FOXN3: variants seen among roughly 807,000 people sequenced by gnomAD.
FOXN3 encodes the protein forkhead box N3.
Under a neutral mutation model 38.4 loss-of-function variants are expected in FOXN3, and 7 were observed. That is an observed-to-expected ratio of 0.18 (90% CI 0.10 to 0.34). The LOEUF (loss-of-function observed/expected upper bound fraction) is 0.34, where lower values mean the gene tolerates loss of function less well. Ranked by LOEUF, FOXN3 falls within the 10% of genes least tolerant of loss-of-function variation. FOXN3 has a pLI of 1.00. For synonymous variants in FOXN3, 230 were observed against 242.2 expected, an observed-to-expected ratio of 0.95 and a Z score of 0.47; for missense variants, 456 against 613.4, an observed-to-expected ratio of 0.74 and a Z score of 2.71.
intron 4 of FOXN3, among the ~76,000 whole-genome samples, chr14:89,258,550 A>G (rs1885697096): frequency 6.6e-6 from 1 of 152,220 alleles, no homozygotes; most frequent in South Asian, 2.1e-4. Flanking sequence ...TCATTGTGAT[A>G]CCACCTGGAC....
chr14:89,526,519 A>G lies in FOXN3; in HGVS notation c.-15+92509T>C, dbSNP rs10151765. ...AATATAATTTACAATAATATAAATAATTGAAATGCTGAAAGATAAATCTGA... is the reference window on the plus strand; with the variant it reads ...AATATAATTTACAATAATATAAATAGTTGAAATGCTGAAAGATAAATCTGA... On this transcript the variant is annotated intron_variant, in intron 1 of 6. Coordinates refer to the FOXN3 transcript ENST00000345097. 3.6e-3 allele frequency among the ~76,000 whole-genome samples: 554 copies of G among 152,306 alleles called. 5 individuals carry two copies. Among genetic ancestry groups the G allele is most frequent in the African/African-American group, 0.013 (534 of 41,576 alleles).
intron 1 of FOXN3, among the ~76,000 whole-genome samples, chr14:89,611,357 GAAA>G (rs1194570780): frequency 6.6e-6 from 1 of 152,188 alleles, no homozygotes; most frequent in South Asian, 2.1e-4. Flanking sequence ...TGCTGTCTAG[GAAA>G]TCTGTTTTTT....
chr14:89,422,243 G>A (rs1891930424), intron 1 of FOXN3, among the ~76,000 whole-genome samples: 1 of 152,236 alleles, frequency 6.6e-6, no homozygotes, highest in South Asian at 2.1e-4. Flanking sequence ...ACTCGTGTAT[G>A]CATAGGAATT....
At chr14:89,470,427 G>A (rs745626173) in intron 1 of FOXN3, among the ~76,000 whole-genome samples, 1 of 151,976 alleles carries the variant, frequency 6.6e-6, no homozygotes, top group East Asian at 1.9e-4. Flanking sequence ...TGAGACTTTC[G>A]GCAAATTATT....
At chr14:89,603,991 C>G (rs1896214012) in intron 1 of FOXN3, among the ~76,000 whole-genome samples, 1 of 152,158 alleles carries the variant, frequency 6.6e-6, no homozygotes. Context: ...TGTGTAACCA[C>G]AAGGTAATCC....
At chr14:89,384,755 T>C (rs1890746204) in intron 2 of FOXN3, among the ~76,000 whole-genome samples, 1 of 152,132 alleles carries the variant, frequency 6.6e-6, no homozygotes. Flanking sequence ...GGGAGAATCA[T>C]GGCAGACTTC....
At chr14:89,208,645 T>C (rs985363938) in intron 4 of FOXN3, among the ~76,000 whole-genome samples, 8 of 152,168 alleles carry the variant, frequency 5.3e-5, no homozygotes, top group Admixed American at 1.3e-4. Context: ...CCCAAACCAT[T>C]ATATAGACTG....
At chr14:89,180,679 GC>G (rs759305859) in intron 5 of FOXN3, 21 bp downstream of exon 5, 122 of 1,566,398 alleles carry the variant, frequency 7.8e-5, no homozygotes, top group Non-Finnish European at 9.9e-5. Context: ...GGCTGGCTCT[GC>G]CCAGCGCACT....
intron 4 of FOXN3, among the ~76,000 whole-genome samples, chr14:89,258,617 G>T (rs10438202): frequency 0.02 from 3,111 of 152,220 alleles, 110 homozygotes; most frequent in African/African-American, 0.071. Flanking sequence ...CATCTTATTT[G>T]CTAAAATGTA....
chr14:89,342,264 G>A lies in FOXN3; in HGVS notation c.680+8408C>T, dbSNP rs191461738. 1.7e-3 allele frequency among the ~76,000 whole-genome samples: 253 copies of A among 152,308 alleles called. 2 individuals are homozygous for A. The highest frequency in any genetic ancestry group is 5.7e-3 in the African/African-American group (237 of 41,574). ...TAAACATTCAACTTTCAAAGTGAGTGTGAAAACAGAATGAAATTGGATGAC... is the reference window on the plus strand; with the variant it reads ...TAAACATTCAACTTTCAAAGTGAGTATGAAAACAGAATGAAATTGGATGAC... On this transcript the variant is annotated intron_variant, in intron 3 of 5. Coordinates refer to ENST00000557258, the MANE Select transcript of FOXN3 (RefSeq NM_005197.4).
intron 1 of FOXN3, among the ~76,000 whole-genome samples, chr14:89,557,020 G>A (rs1237794925): frequency 6.6e-6 from 1 of 152,226 alleles, no homozygotes; most frequent in African/African-American, 2.4e-5. Flanking sequence ...AACTTGGGGA[G>A]TGTGGCAGTA....
rs141047989 is a variant in FOXN3, at chr14:89,317,711, C to T, written c.680+32961G>A. Among the ~76,000 whole-genome samples, 211 of 152,124 alleles carry T rather than the reference C, an allele frequency of 1.4e-3. 2 individuals are homozygous for T. Among genetic ancestry groups the T allele is most frequent in the African/African-American group, 4.8e-3 (200 of 41,484 alleles). On this transcript the variant is annotated intron_variant, in intron 3 of 5. Coordinates refer to ENST00000557258, the MANE Select transcript of FOXN3 (RefSeq NM_005197.4). ...CAATTGAACCTACCTCCTTTCCCCC[C>T]CCATAGAAATCCCTCCTTTCCCTGA...
intron 4 of FOXN3, among the ~76,000 whole-genome samples, chr14:89,201,442 A>G (rs1358649275): frequency 6.6e-6 from 1 of 152,188 alleles, no homozygotes; most frequent in East Asian, 1.9e-4. Context: ...CTCACCGCCC[A>G]GGAGGGGACT....
intron 1 of FOXN3, among the ~76,000 whole-genome samples, chr14:89,561,209 A>G (rs1895242740): frequency 6.6e-6 from 1 of 152,126 alleles, no homozygotes; most frequent in Non-Finnish European, 1.5e-5. Context: ...TTGTTCATTC[A>G]TTTGTTTGTT....
At chr14:89,428,419 A>G (rs1344297428) in intron 1 of FOXN3, among the ~76,000 whole-genome samples, 2 of 152,196 alleles carry the variant, frequency 1.3e-5, no homozygotes, top group Non-Finnish European at 2.9e-5. Context: ...ACGTGACTGC[A>G]TGTGAGTACT....
chr14:89,390,087 A>C (rs1324463456), intron 2 of FOXN3, among the ~76,000 whole-genome samples: 1 of 151,662 alleles, frequency 6.6e-6, no homozygotes, highest in Non-Finnish European at 1.5e-5. Flanking sequence ...TTAGCCAGGC[A>C]TAGTGACACA....
At chr14:89,349,329 A>G (rs1406934452) in intron 3 of FOXN3, among the ~76,000 whole-genome samples, 1 of 152,212 alleles carries the variant, frequency 6.6e-6, no homozygotes, top group African/African-American at 2.4e-5. Flanking sequence ...TATGACCTCA[A>G]GTTGTCATTT....
intron 3 of FOXN3, among the ~76,000 whole-genome samples, chr14:89,297,559 C>CAAAAAA (rs919496715): frequency 2.9e-5 from 3 of 103,552 alleles, no homozygotes; most frequent in Non-Finnish European, 4.1e-5. Context: ...GACTCCCTTT[C>CAAAAAA]AAAAAAAAAA....
chr14:89,269,743 G>A (rs1407090070), intron 4 of FOXN3, among the ~76,000 whole-genome samples: 3 of 152,044 alleles, frequency 2.0e-5, no homozygotes, highest in Admixed American at 2.0e-4. Context: ...CCCAGATCAC[G>A]CTAATGCTGC....
Sources: allele counts gnomAD v4.1 joint callset (sites outside exome capture counted in the v4.1 genomes callset), GRCh38; gene constraint gnomAD v4.1.1; transcripts MANE v1.5; gene names NCBI Gene and HGNC (gene_info 2026-07-23, HGNC 2026-07-21).